The following MED23 variants were observed in gnomAD, a reference collection of about 807,000 sequenced individuals.
MED23 encodes mediator of RNA polymerase II transcription subunit 23.
MED23 carries 105 observed loss-of-function variants against 163.9 expected under a neutral mutation model. The observed-to-expected ratio is 0.64, with a 90% CI of 0.55 to 0.75. MED23 has a LOEUF of 0.75. Ranked by LOEUF, MED23 falls within the 30% of genes least tolerant of loss-of-function variation. The pLI, the probability that MED23 is intolerant of heterozygous loss-of-function variation, is 0.00. For missense variants in MED23, 1,054 were observed against 1,649.0 expected (o/e 0.64, Z 6.25); for synonymous variants, 561 against 565.6 (o/e 0.99, Z 0.12).
At position 131,590,056 on chromosome 6, in the gene MED23, T is replaced by C. The variant is rs556321991; in HGVS notation, c.3807+266A>G. On this transcript the variant is annotated intron_variant, in intron 27 of 28. Coordinates refer to ENST00000368068, the MANE Select transcript of MED23 (RefSeq NM_004830.4). ...TTCTCATGATTTTAATTAGCTCCTC[T>C]GCACTGTAAGATCTCAAATGTACTT... is the stretch of plus-strand genomic sequence containing the variant. 9.2e-5 allele frequency among the ~76,000 whole-genome samples: 14 copies of C among 152,330 alleles called. No homozygotes were observed. The South Asian group carries it at 2.5e-3, about 27-fold the overall frequency.
At position 131,594,240 on chromosome 6, in the gene MED23, T is replaced by C. The variant is rs1056905080; in HGVS notation, c.3091A>G (p.Ile1031Val). 4 of 1,614,092 alleles carry C rather than the reference T, an allele frequency of 2.5e-6. No individual in the cohort carries two copies. Among genetic ancestry groups the C allele is most frequent in the Non-Finnish European group, 3.4e-6 (4 of 1,179,978 alleles). Residue 1031 changes from isoleucine to valine, a missense_variant, in exon 23 of 29, where the codon ATT (isoleucine) becomes GTT (valine). Coordinates refer to ENST00000368068, the MANE Select transcript of MED23 (RefSeq NM_004830.4). ...FLKRKLVHAIIGSLKDNRPQG... is the reference protein window; with the variant it reads ...FLKRKLVHAIVGSLKDNRPQG... ...GGTCGATTATCCTTCAGAGAGCCAATGATCGCATGGACGAGTTTTCGTTTG... is the reference window on the plus strand; with the variant it reads ...GGTCGATTATCCTTCAGAGAGCCAACGATCGCATGGACGAGTTTTCGTTTG...
chr6:131,616,528 A>G (rs1776701871), intron 9 of MED23, among the ~76,000 whole-genome samples: 2 of 152,172 alleles, frequency 1.3e-5, no homozygotes, highest in African/African-American at 4.8e-5. Context: ...TTTATAATAA[A>G]TAGTACTAGG....
At chr6:131,608,295 G>T (rs1776004615) in intron 11 of MED23, among the ~76,000 whole-genome samples, 1 of 151,714 alleles carries the variant, frequency 6.6e-6, no homozygotes, top group Non-Finnish European at 1.5e-5. Flanking sequence ...CTTATTTCCT[G>T]CTCCCCAAAA....
At chr6:131,602,479 T>G in intron 16 of MED23, 98 bp from the exon 17 acceptor site, 1 of 1,086,562 alleles carries the variant, frequency 9.2e-7, no homozygotes, top group Non-Finnish European at 1.3e-6. Flanking sequence ...AATCTATGAC[T>G]ATCCCTTCTT....
chr6:131,617,688 T>G (rs1234287443), intron 9 of MED23, among the ~76,000 whole-genome samples: 1 of 152,200 alleles, frequency 6.6e-6, no homozygotes, highest in Non-Finnish European at 1.5e-5. Context: ...TACAAAGACA[T>G]TCTTATAGCA....
intron 4 of MED23, 115 bp downstream of exon 4, chr6:131,624,750 A>C (rs972790499): frequency 5.1e-6 from 6 of 1,179,006 alleles, no homozygotes; most frequent in African/African-American, 1.5e-5. Flanking sequence ...GGATTACTTG[A>C]TAAACCTCAC....
At position 131,627,980 on chromosome 6, in the gene MED23, G is replaced by C. The variant is rs779824693; in HGVS notation, c.39+31C>G. ...CCCCGCGTCTCCCCGTCCCCAAGCC[G>C]TAGTCCTGGATGGCCGGCAGCTGCA... On this transcript the variant is annotated intron_variant, in intron 1 of 28. Transcript: ENST00000368068. 3.1e-6 allele frequency: 5 copies of C among 1,613,552 alleles called. No homozygotes were observed. In the African/African-American group the frequency reaches 6.7e-5, roughly 22 times the overall value.
intron 23 of MED23, 84 bp downstream of exon 23, chr6:131,594,015 A>G: frequency 8.4e-7 from 1 of 1,197,108 alleles, no homozygotes; most frequent in Non-Finnish European, 1.2e-6. Flanking sequence ...AATACATAAA[A>G]AATTACTTTA....
intron 14 of MED23, among the ~76,000 whole-genome samples, chr6:131,604,878 T>G (rs1274074910): frequency 6.6e-6 from 1 of 152,210 alleles, no homozygotes; most frequent in Non-Finnish European, 1.5e-5. Context: ...GAGCCAATAC[T>G]TAAAAGCTGA....
In MED23 at chr6:131,610,144, T is replaced by G. The variant is rs1234560294; in HGVS notation, c.979A>C (p.Ser327Arg). 2 of 1,614,060 alleles carry G rather than the reference T, an allele frequency of 1.2e-6. No individual in the cohort carries two copies. Among genetic ancestry groups the G allele is most frequent in the Non-Finnish European group, 1.7e-6 (2 of 1,179,956 alleles). ...TEEKFDDGGT[S>R]QLLWQHLSSQ... is the part of the protein sequence containing the mutation. ...GAGAGATGCTGCCACAGGAGTTGGC[T>G]TGTTCCCCCATCGTCAAACTTCTCC... Residue 327 changes from serine (S) to arginine (R), a missense_variant, in exon 11 of 29, where the codon AGC becomes CGC. By Grantham distance (110) the Ser-to-Arg change is moderately radical. Around this residue, in one of 11 missense-constraint regions of MED23, gnomAD observed 61 missense variants for 154.2 expected, o/e 0.40. Transcript: ENST00000368068.
intron 30 of MED23, among the ~76,000 whole-genome samples, chr6:131,578,312 C>A (rs1773730759): frequency 6.6e-6 from 1 of 151,912 alleles, no homozygotes; most frequent in Admixed American, 6.6e-5. Context: ...TTCTTGGAGG[C>A]GTTACTAAAT....
Position 131,594,233 on chromosome 6 carries a change from G to A in MED23, c.3098C>T (p.Ser1033Phe). Reference protein sequence around the residue: ...KRKLVHAIIGSLKDNRPQGWC... With the variant: ...KRKLVHAIIGFLKDNRPQGWC... ...GCCCTGCGGTCGATTATCCTTCAGAGAGCCAATGATCGCATGGACGAGTTT... is the reference window on the plus strand; with the variant it reads ...GCCCTGCGGTCGATTATCCTTCAGAAAGCCAATGATCGCATGGACGAGTTT... The change falls in exon 23 of 29, where the codon TCT becomes TTT. Residue 1033 changes from serine to phenylalanine, a missense_variant. By Grantham distance (155) the Ser-to-Phe change is radical. This residue lies in a region of MED23 where 362 missense variants were observed against 471.6 expected (regional missense o/e 0.77). Transcript: ENST00000368068. The A allele has an allele frequency of 6.2e-7, 1 of 1,614,144 alleles. No individual in the cohort carries two copies. The highest frequency in any genetic ancestry group is 8.5e-7 in the Non-Finnish European group (1 of 1,180,020).
At chr6:131,592,314 T>C (rs1774703570) in intron 25 of MED23, 74 bp downstream of exon 25, 14 of 1,313,058 alleles carry the variant, frequency 1.1e-5, no homozygotes, top group Middle Eastern at 3.6e-4. Flanking sequence ...CCTATATGCA[T>C]CTTTTTCTTT....
At chr6:131,628,268 G>A (rs933475696), upstream of MED23, 3 of 577,304 alleles carry the variant, frequency 5.2e-6, no homozygotes, top group Non-Finnish European at 9.3e-6. Context: ...CGCGCCGTTT[G>A]CAAACCCCGC....
chr6:131,627,516 C>A (rs754803547), intron 2 of MED23, 33 bp from the exon 3 acceptor site: 5 of 1,600,292 alleles, frequency 3.1e-6, no homozygotes, highest in Non-Finnish European at 4.3e-6. Flanking sequence ...ATTTGTCATT[C>A]GTTTTAAAAA....
exon 31 of MED23, chr6:131,573,973 C>T: frequency 2.4e-6 from 1 of 409,334 alleles, no homozygotes; most frequent in Non-Finnish European, 4.5e-6. Context: ...GGGTTGGCAA[C>T]TCTAAAAGGA....
At chr6:131,579,951 T>C (rs1289692419) in intron 30 of MED23, among the ~76,000 whole-genome samples, 1 of 152,162 alleles carries the variant, frequency 6.6e-6, no homozygotes, top group Non-Finnish European at 1.5e-5. Flanking sequence ...ATAAGCATCA[T>C]AAGCATCAGT....
At chr6:131,579,832 G>C (rs1008181782) in intron 30 of MED23, among the ~76,000 whole-genome samples, 3 of 150,736 alleles carry the variant, frequency 2.0e-5, no homozygotes, top group African/African-American at 2.5e-5. Flanking sequence ...TGTTTAACGT[G>C]TGTGTGTGTG....
At chr6:131,606,190 T>C (rs780864771) in intron 13 of MED23, among the ~76,000 whole-genome samples, 7 of 152,186 alleles carry the variant, frequency 4.6e-5, no homozygotes, top group Non-Finnish European at 8.8e-5. Flanking sequence ...AAAATTGATA[T>C]GCTTTCATTA....
Sources: allele counts gnomAD v4.1 joint callset (sites outside exome capture counted in the v4.1 genomes callset), GRCh38; gene constraint gnomAD v4.1.1; regional missense constraint gnomAD v4.1.1; transcripts MANE v1.5; gene names NCBI Gene and HGNC (gene_info 2026-07-23, HGNC 2026-07-21).